The following DRC8 variants were observed in gnomAD, a reference collection of about 807,000 sequenced individuals.
DRC8 encodes dynein regulatory complex subunit 8.
chr1:244,984,599 T>C, the DRC8 span, among the ~76,000 whole-genome samples: 113,239 of 151,982 alleles, frequency 0.75, 43,361 homozygotes, highest in East Asian at 1. Flanking sequence ...CTTTGGGAAA[T>C]TGAGGCAGGT....
At chr1:245,085,529 G>A in the DRC8 span, among the ~76,000 whole-genome samples, 1 of 152,106 alleles carries the variant, frequency 6.6e-6, no homozygotes, top group African/African-American at 2.4e-5. Context: ...GAGAAAATAA[G>A]CCTAGCTGGC....
the DRC8 span, among the ~76,000 whole-genome samples, chr1:244,971,305 T>G: frequency 6.6e-6 from 1 of 152,046 alleles, no homozygotes; most frequent in Admixed American, 6.5e-5. Context: ...GCCGGGCCTC[T>G]CCCAGGGGAC....
chr1:245,098,123 A>G, the DRC8 span, among the ~76,000 whole-genome samples: 1 of 152,292 alleles, frequency 6.6e-6, no homozygotes, highest in South Asian at 2.1e-4. Context: ...AAGCAACAGG[A>G]TTTCCCAGTG....
chr1:245,013,475 G>A, the DRC8 span, among the ~76,000 whole-genome samples: 1 of 152,118 alleles, frequency 6.6e-6, no homozygotes, highest in South Asian at 2.1e-4. Flanking sequence ...TGTTCAACTC[G>A]TTGAATTTCA....
chr1:245,090,498 G>T, the DRC8 span, among the ~76,000 whole-genome samples: 1 of 152,176 alleles, frequency 6.6e-6, no homozygotes, highest in African/African-American at 2.4e-5. Context: ...TGACGTACAT[G>T]AACTCATTTC....
the DRC8 span, among the ~76,000 whole-genome samples, chr1:245,057,352 T>G: frequency 6.6e-6 from 1 of 152,232 alleles, no homozygotes; most frequent in Non-Finnish European, 1.5e-5. Context: ...GCCTAATAAT[T>G]TAACACAAGT....
At chr1:245,005,893 C>A in the DRC8 span, among the ~76,000 whole-genome samples, 2 of 151,980 alleles carry the variant, frequency 1.3e-5, no homozygotes, top group African/African-American at 4.8e-5. Context: ...AGGAGGAGAG[C>A]AATATTCCAG....
the DRC8 span, among the ~76,000 whole-genome samples, chr1:244,982,531 G>A: frequency 8.1e-4 from 123 of 152,242 alleles, 1 homozygote; most frequent in Non-Finnish European, 4.1e-4. Flanking sequence ...AGGCGTGGTG[G>A]CGTGTGCCTG....
chr1:245,122,041 G>A, the DRC8 span: 1 of 328,164 alleles, frequency 3.0e-6, no homozygotes, highest in Non-Finnish European at 5.8e-6. Flanking sequence ...TGGGATGACA[G>A]GCACACACCA....
At chr1:245,117,032 A>C in the DRC8 span, among the ~76,000 whole-genome samples, 1 of 152,172 alleles carries the variant, frequency 6.6e-6, no homozygotes, top group Non-Finnish European at 1.5e-5. Context: ...ATTTGCATTC[A>C]GATTGTTGTT....
At chr1:245,120,277 A>G in the DRC8 span, among the ~76,000 whole-genome samples, 12 of 152,176 alleles carry the variant, frequency 7.9e-5, no homozygotes, top group African/African-American at 2.9e-4. Context: ...TGCGCCCTTC[A>G]CGCATCTCTA....
the DRC8 span, among the ~76,000 whole-genome samples, chr1:245,121,656 T>C: frequency 4.1e-4 from 62 of 152,334 alleles, no homozygotes; most frequent in East Asian, 1.2e-3. Context: ...CGGGCTGGCC[T>C]TCCCTAAAGT....
chr1:245,059,372 T>G, the DRC8 span: 5 of 1,457,690 alleles, frequency 3.4e-6, no homozygotes, highest in African/African-American at 5.7e-5. Flanking sequence ...CATTGAAAAC[T>G]TTTTTTTTTC....
the DRC8 span, among the ~76,000 whole-genome samples, chr1:244,981,275 A>G: frequency 6.6e-6 from 1 of 152,168 alleles, no homozygotes; most frequent in Admixed American, 6.6e-5. Flanking sequence ...GTAATTGAAC[A>G]GAGAAAAATA....
the DRC8 span, among the ~76,000 whole-genome samples, chr1:245,062,333 T>G: frequency 3.3e-5 from 5 of 152,208 alleles, no homozygotes; most frequent in Non-Finnish European, 7.3e-5. Context: ...ATTCTATAAA[T>G]AGCAACTTCC....
chr1:245,014,628 G>A, the DRC8 span, among the ~76,000 whole-genome samples: 1 of 147,684 alleles, frequency 6.8e-6, no homozygotes, highest in East Asian at 2.1e-4. Context: ...TATACTGTAA[G>A]TACTAACAGG....
At chr1:245,016,477 C>T in the DRC8 span, among the ~76,000 whole-genome samples, 191 of 152,306 alleles carry the variant, frequency 1.3e-3, no homozygotes, top group African/African-American at 4.4e-3. Context: ...AACCCATTCT[C>T]CCCCACCCAC....
chr1:245,070,923 C>T, the DRC8 span, among the ~76,000 whole-genome samples: 2 of 152,204 alleles, frequency 1.3e-5, no homozygotes, highest in Non-Finnish European at 2.9e-5. Context: ...TTTGCCCTTG[C>T]ATCCCTCTGC....
the DRC8 span, among the ~76,000 whole-genome samples, chr1:245,088,685 T>C: frequency 0.014 from 2,074 of 152,282 alleles, 56 homozygotes; most frequent in African/African-American, 0.046. The surrounding 1 kb of genome is among the most constrained non-coding windows in gnomAD (Gnocchi z 4.6). Flanking sequence ...GGAGAGAGCT[T>C]TCTGGAAGAT....
Sources: allele counts gnomAD v4.1 joint callset (sites outside exome capture counted in the v4.1 genomes callset), GRCh38; gene constraint gnomAD v4.1.1; non-coding constraint Gnocchi (gnomAD v3.1); transcripts MANE v1.5; gene names NCBI Gene and HGNC (gene_info 2026-07-23, HGNC 2026-07-21).